The following GCFC2 variants were observed in gnomAD, a reference collection of about 807,000 sequenced individuals.
GCFC2 encodes intron Large complex component GCFC2.
A neutral mutation model predicts 99.4 loss-of-function variants in GCFC2; 102 were observed. That is an observed-to-expected ratio of 1.03 (90% CI 0.87 to 1.21). The LOEUF (loss-of-function observed/expected upper bound fraction) is 1.21, where lower values mean the gene tolerates loss of function less well. Among genes scored for constraint, GCFC2 ranks in the 50% most tolerant of loss-of-function variants. The probability of loss-of-function intolerance (pLI) is 0.00; values close to 1 mark genes in which losing one functional copy is unlikely to be tolerated. For synonymous variants in GCFC2, 338 were observed against 316.8 expected (o/e 1.07, Z -0.71); for missense variants, 973 against 920.9 (o/e 1.06, Z -0.73).
At chr2:75,690,343 T>C (rs575108847) in intron 8 of GCFC2, 199 of 504,588 alleles carry the variant, frequency 3.9e-4, no homozygotes, top group Non-Finnish European at 6.2e-4. Context: ...GACATTCCCA[T>C]GGGCTAACCA....
intron 13 of GCFC2, 80 bp downstream of exon 13, chr2:75,673,364 T>C: frequency 1.4e-6 from 1 of 723,056 alleles, no homozygotes; most frequent in Non-Finnish European, 2.5e-6. Context: ...ACACTGTAGT[T>C]TCTTTTGCAT....
At chr2:75,698,508 G>A (rs182787326) in intron 4 of GCFC2, among the ~76,000 whole-genome samples, 2 of 152,052 alleles carry the variant, frequency 1.3e-5, no homozygotes, top group African/African-American at 4.8e-5. Flanking sequence ...TTGTTATAAC[G>A]ATATAAAAAC....
intron 15 of GCFC2, among the ~76,000 whole-genome samples, chr2:75,666,858 T>C (rs1027734871): frequency 7.2e-5 from 11 of 151,928 alleles, no homozygotes; most frequent in East Asian, 1.9e-4. Context: ...ATGCAGACAA[T>C]TGGGAAAGAA....
intron 11 of GCFC2, among the ~76,000 whole-genome samples, chr2:75,685,830 A>G (rs1034747366): frequency 6.6e-6 from 1 of 152,132 alleles, no homozygotes; most frequent in African/African-American, 2.4e-5. Context: ...AACATGTCCC[A>G]AACTGAGCTG....
intron 11 of GCFC2, 105 bp downstream of exon 11, chr2:75,687,722 G>C (rs750638208): frequency 4.5e-6 from 4 of 887,486 alleles, no homozygotes; most frequent in Non-Finnish European, 5.4e-6. Context: ...ACATTTCCTT[G>C]AGATTAAAAA....
In GCFC2 at chr2:75,702,248, T is replaced by A. The variant is rs1453004588; in HGVS notation, c.570A>T (p.Pro190=). ...TAAGTGTTTGAGGTCTTAGAGTAAATGGTATTCTCTTTTCATGGTCATCAG... is the reference window on the plus strand; with the variant it reads ...TAAGTGTTTGAGGTCTTAGAGTAAAAGGTATTCTCTTTTCATGGTCATCAG... The part of the protein sequence containing the change: ...SEPDDHEKRI[P]FTLRPQTLRQ... Residue 190 remains proline (P), a synonymous_variant, in exon 3 of 17, where the codon CCA becomes CCT. Coordinates refer to ENST00000321027, the MANE Select transcript of GCFC2 (RefSeq NM_003203.5). 1.2e-6 allele frequency: 2 copies of A among 1,611,308 alleles called. No homozygotes were observed. The highest frequency in any genetic ancestry group is 1.3e-5 in the African/African-American group (1 of 74,886).
chr2:75,687,801 AT>A (rs1216551052), intron 11 of GCFC2, 25 bp downstream of exon 11: 2 of 1,564,240 alleles, frequency 1.3e-6, no homozygotes, highest in Non-Finnish European at 1.7e-6. Context: ...AAATAATTTA[AT>A]TTTACCAAGG....
chr2:75,676,163 GA>G (rs982692152), intron 12 of GCFC2, among the ~76,000 whole-genome samples: 11 of 152,082 alleles, frequency 7.2e-5, no homozygotes, highest in Admixed American at 2.6e-4. Flanking sequence ...TGATAAAAAA[GA>G]AAAAACAAAA....
chr2:75,711,821 C>T (rs926864328), upstream of GCFC2, among the ~76,000 whole-genome samples: 3 of 152,392 alleles, frequency 2.0e-5, no homozygotes, highest in Admixed American at 2.0e-4. Context: ...CGGTGCAGGG[C>T]TCGGGACCTG....
At chr2:75,691,954 T>C in intron 7 of GCFC2, 23 bp downstream of exon 7, 3 of 1,328,372 alleles carry the variant, frequency 2.3e-6, no homozygotes, top group Non-Finnish European at 3.0e-6. Context: ...TAATAAATTG[T>C]ATGGAACACG....
chr2:75,708,095 C>G (rs1680953132), intron 1 of GCFC2, among the ~76,000 whole-genome samples: 1 of 152,166 alleles, frequency 6.6e-6, no homozygotes, highest in African/African-American at 2.4e-5. Context: ...TTTTAAGAAG[C>G]ATCACCATTT....
chr2:75,665,842 T>TA (rs1309356962), intron 16 of GCFC2, 87 bp downstream of exon 16: 4 of 840,228 alleles, frequency 4.8e-6, no homozygotes, highest in Non-Finnish European at 6.9e-6. Flanking sequence ...AAAAGTACAG[T>TA]AAAAATACAA....
intron 15 of GCFC2, among the ~76,000 whole-genome samples, chr2:75,667,371 A>C (rs186928203): frequency 6.6e-6 from 1 of 152,320 alleles, no homozygotes; most frequent in East Asian, 1.9e-4. Context: ...ATCAATATAG[A>C]AAGCAGAGAG....
chr2:75,701,576 C>G (rs1336797291), intron 3 of GCFC2, among the ~76,000 whole-genome samples: 1 of 152,206 alleles, frequency 6.6e-6, no homozygotes, highest in Non-Finnish European at 1.5e-5. Flanking sequence ...CCACTCAAAA[C>G]ACTATAGCCC....
intron 15 of GCFC2, among the ~76,000 whole-genome samples, chr2:75,666,996 A>G (rs540275693): frequency 3.9e-5 from 6 of 152,252 alleles, no homozygotes; most frequent in Non-Finnish European, 8.8e-5. Flanking sequence ...TTCAATCTCT[A>G]TCTCATCTTT....
In GCFC2 at chr2:75,695,423, GT is replaced by G. The variant is rs562946903; in HGVS notation, c.833+776del. 2.0e-3 allele frequency among the ~76,000 whole-genome samples: 304 copies of G among 152,088 alleles called. 2 individuals are homozygous for G. The highest frequency in any genetic ancestry group is 0.01 in the Middle Eastern group (3 of 294). ...AACAACTATATGGACAAACATGATAGTTTTTTTAAAAAAATTAAAGGCTTTT... is the reference window on the plus strand; with the variant it reads ...AACAACTATATGGACAAACATGATAGTTTTTTAAAAAAATTAAAGGCTTTT... On this transcript the variant is annotated intron_variant, in intron 5 of 16. Coordinates refer to ENST00000321027, the MANE Select transcript of GCFC2 (RefSeq NM_003203.5).
Position 75,710,890 on chromosome 2 carries a change from G to T in GCFC2, c.-35C>A. 1.3e-6 allele frequency: 2 copies of T among 1,492,978 alleles called. No individual in the cohort carries two copies. The highest frequency in any genetic ancestry group is 1.8e-6 in the Non-Finnish European group (2 of 1,128,150). The allele number at this position is 1,492,978 out of a possible 1,614,324, so 92.5% of individuals were successfully genotyped here. The stretch of plus-strand genomic sequence containing the variant: ...CCGAGCGCCCGGCGCCCTAGAACCC[G>T]CTGAACCGCAAGCCGCAGCTTCAGT... On this transcript the variant is annotated 5_prime_UTR_variant, in exon 1 of 17. Coordinates refer to ENST00000321027, the MANE Select transcript of GCFC2 (RefSeq NM_003203.5).
At chr2:75,682,768 A>G (rs976857489) in intron 11 of GCFC2, among the ~76,000 whole-genome samples, 1 of 151,904 alleles carries the variant, frequency 6.6e-6, no homozygotes, top group African/African-American at 2.4e-5. Context: ...GATGAAGCTG[A>G]AAAACACTGC....
At chr2:75,673,225 G>A (rs1202577503) in intron 13 of GCFC2, among the ~76,000 whole-genome samples, 5 of 151,908 alleles carry the variant, frequency 3.3e-5, no homozygotes, top group Admixed American at 1.3e-4. Context: ...GGAGAATGGC[G>A]TGAACCTGGG....
Sources: gnomAD v4.1 joint callset for allele counts (sites outside exome capture counted in the v4.1 genomes callset) on GRCh38, gnomAD v4.1.1 for gene constraint, MANE v1.5 for transcripts, NCBI Gene and HGNC (gene_info 2026-07-23, HGNC 2026-07-21) for gene names.